Variants in FNBP1 observed in about 807,000 individuals in gnomAD.
The protein encoded by FNBP1 is formin binding protein 1.
In FNBP1, 26 loss-of-function variants were observed where a neutral mutation model predicts 90.6. The observed-to-expected ratio is 0.29, with a 90% CI of 0.21 to 0.40. The LOEUF is 0.40. Ranked by LOEUF, FNBP1 falls within the 10% of genes least tolerant of loss-of-function variation. FNBP1 has a pLI of 1.00. For synonymous variants in FNBP1, 260 were observed against 265.2 expected, an observed-to-expected ratio of 0.98 and a Z score of 0.19; for missense variants, 635 against 768.0, an observed-to-expected ratio of 0.83 and a Z score of 2.05.
rs2058823260 is a variant in FNBP1 at position 130,031,793 on chromosome 9, C to G, written c.24+11159G>C. The stretch of plus-strand genomic sequence containing the variant: ...TCTCCTGCCTCAGCCTCCCGAGTAG[C>G]TGGGATTACAGGCGAGCGCCATCAT... On this transcript the variant is annotated intron_variant, in intron 1 of 16. Transcript: ENST00000446176. The surrounding 1 kb of genome is among the most constrained non-coding windows in gnomAD (Gnocchi z 4.2). Among the ~76,000 whole-genome samples, 2 of 152,030 alleles carry G rather than the reference C, an allele frequency of 1.3e-5. No individual in the cohort carries two copies.
At chr9:130,038,379 T>A (rs1589430297) in intron 1 of FNBP1, among the ~76,000 whole-genome samples, 2 of 126,410 alleles carry the variant, frequency 1.6e-5, no homozygotes, top group Non-Finnish European at 1.7e-5. Context: ...AAAAAAGACA[T>A]ACAATCAACA....
At chr9:129,913,148 C>A (rs1411821848) in intron 11 of FNBP1, among the ~76,000 whole-genome samples, 1 of 152,138 alleles carries the variant, frequency 6.6e-6, no homozygotes, top group Non-Finnish European at 1.5e-5. Context: ...GCGGAGGATG[C>A]AGTGAGCCAG....
At chr9:129,947,630 T>G (rs1564403633) in intron 6 of FNBP1, among the ~76,000 whole-genome samples, 1 of 151,334 alleles carries the variant, frequency 6.6e-6, no homozygotes, top group Middle Eastern at 3.2e-3. Context: ...TGAGTTACTT[T>G]TTTTTTTTTG....
At chr9:129,945,608 T>C (rs1406252175) in intron 6 of FNBP1, among the ~76,000 whole-genome samples, 2 of 152,208 alleles carry the variant, frequency 1.3e-5, no homozygotes, top group Non-Finnish European at 2.9e-5. Context: ...TTTCCCCAAA[T>C]GGTAAAAAAA....
chr9:129,942,125 G>A (rs577528425), intron 6 of FNBP1, among the ~76,000 whole-genome samples: 10 of 150,788 alleles, frequency 6.6e-5, no homozygotes, highest in Admixed American at 5.3e-4. Flanking sequence ...GAAAACAATT[G>A]TCAACCTAGA....
chr9:129,987,754 G>T (rs2052517542), intron 2 of FNBP1, among the ~76,000 whole-genome samples: 1 of 151,872 alleles, frequency 6.6e-6, no homozygotes, highest in South Asian at 2.1e-4. Context: ...GCCCACCTCG[G>T]CCTCCCAAAA....
At chr9:130,047,052 A>C (rs2060064724), upstream of FNBP1, among the ~76,000 whole-genome samples, 1 of 152,144 alleles carries the variant, frequency 6.6e-6, no homozygotes, top group Non-Finnish European at 1.5e-5. Flanking sequence ...TTGAGGACCA[A>C]GCCCTCAATT....
chr9:130,019,940 G>A (rs1483527513), intron 1 of FNBP1, among the ~76,000 whole-genome samples: 1 of 152,084 alleles, frequency 6.6e-6, no homozygotes, highest in Non-Finnish European at 1.5e-5. Flanking sequence ...AACAAAAAAG[G>A]CTACAGAACT....
intron 1 of FNBP1, among the ~76,000 whole-genome samples, chr9:130,014,255 T>C (rs1208855585): frequency 6.7e-6 from 1 of 150,366 alleles, no homozygotes; most frequent in Non-Finnish European, 1.5e-5. Context: ...TTCTTTTTTT[T>C]TTTTTTTTCT....
chr9:130,002,437 C>T (rs568320980), intron 1 of FNBP1, among the ~76,000 whole-genome samples: 1 of 152,164 alleles, frequency 6.6e-6, no homozygotes, highest in South Asian at 2.1e-4. Context: ...ACCTTGGTGC[C>T]GTCCTTGACG....
In FNBP1 at chr9:129,957,258, G is replaced by T; in HGVS notation, c.513+102C>A. On this transcript the variant is annotated intron_variant, in intron 6 of 16. Coordinates refer to ENST00000446176, the MANE Select transcript of FNBP1 (RefSeq NM_015033.3). This position sits in a 1 kb window ranked among gnomAD's most constrained non-coding sequence, Gnocchi z 4.3. ...TCACCATCTTGGCCAGGCTGGTCTC[G>T]AACTCCTGGCCTCAGGTGATCCGCT... 6.3e-6 allele frequency: 5 copies of T among 790,820 alleles called. No individual in the cohort carries two copies. Among genetic ancestry groups the T allele is most frequent in the Non-Finnish European group, 1.0e-5 (5 of 480,136 alleles). The allele number at this position is 790,820 out of a possible 1,614,324, so 49.0% of individuals were successfully genotyped here.
At position 129,958,573 on chromosome 9, in the gene FNBP1, C is replaced by G; in HGVS notation, c.346-20G>C. On this transcript the variant is annotated intron_variant, in intron 4 of 16. Transcript: ENST00000446176. ...AAAGTTCTGCAAAGGGGAAAACACA[C>G]TGGTGATTAGTACCCTCTGCTTCTC... 1 of 1,580,848 alleles carries G rather than the reference C, an allele frequency of 6.3e-7. No homozygotes were observed. The highest frequency in any genetic ancestry group is 8.6e-7 in the Non-Finnish European group (1 of 1,160,542).
chr9:129,960,888 C>T (rs939109941), intron 4 of FNBP1, among the ~76,000 whole-genome samples: 7 of 152,070 alleles, frequency 4.6e-5, no homozygotes, highest in Non-Finnish European at 8.8e-5. Flanking sequence ...CAATAATGAG[C>T]TGCCCAGGGT....
At chr9:129,988,805 T>C (rs2052688032) in intron 2 of FNBP1, among the ~76,000 whole-genome samples, 2 of 152,184 alleles carry the variant, frequency 1.3e-5, no homozygotes, top group African/African-American at 4.8e-5. Flanking sequence ...AAATCTTTAT[T>C]TACAAAACCA....
At chr9:130,013,274 C>T (rs187619685) in intron 1 of FNBP1, among the ~76,000 whole-genome samples, 1 of 152,248 alleles carries the variant, frequency 6.6e-6, no homozygotes, top group African/African-American at 2.4e-5. Context: ...GCTACTGTGC[C>T]TGGCTCCAAC....
At chr9:129,976,787 A>T (rs2050380401) in intron 4 of FNBP1, among the ~76,000 whole-genome samples, 1 of 151,876 alleles carries the variant, frequency 6.6e-6, no homozygotes, top group Non-Finnish European at 1.5e-5. Flanking sequence ...TTAAATAATC[A>T]CTTTTGTCAT....
In FNBP1 at chr9:129,966,181, G is replaced by A. The variant is rs773338598; in HGVS notation, c.346-7628C>T. Among the ~76,000 whole-genome samples the A allele has an allele frequency of 2.5e-4, 38 of 152,154 alleles. 1 individual carries two copies. Among genetic ancestry groups the A allele is most frequent in the Non-Finnish European group, 1.5e-4 (10 of 68,026 alleles). On this transcript the variant is annotated intron_variant, in intron 4 of 16. Coordinates refer to ENST00000446176, the MANE Select transcript of FNBP1 (RefSeq NM_015033.3). The surrounding 1 kb of genome is among the most constrained non-coding windows in gnomAD (Gnocchi z 4.3). ...GTGAAGGTAGCTATTTTAGACAAGG[G>A]CAGTCTGGGATGACATTTGAGTAGA...
intron 11 of FNBP1, among the ~76,000 whole-genome samples, chr9:129,914,563 A>C (rs1235354494): frequency 6.6e-6 from 1 of 151,822 alleles, no homozygotes. Flanking sequence ...ACTGCAGATG[A>C]ACTTGTAGTT....
chr9:129,995,527 T>C (rs1300361253), intron 1 of FNBP1, among the ~76,000 whole-genome samples: 2 of 152,184 alleles, frequency 1.3e-5, no homozygotes, highest in African/African-American at 4.8e-5. Flanking sequence ...GTTTGCATTG[T>C]GCCTTGGGGT....
Sources: gnomAD v4.1 joint callset for allele counts (sites outside exome capture counted in the v4.1 genomes callset) on GRCh38, gnomAD v4.1.1 for gene constraint, Gnocchi (gnomAD v3.1) non-coding constraint, MANE v1.5 for transcripts, NCBI Gene and HGNC (gene_info 2026-07-23, HGNC 2026-07-21) for gene names.